LEKR1: variants seen among roughly 807,000 people sequenced by gnomAD.
LEKR1 encodes the protein leucine, glutamate and lysine rich 1.
A neutral mutation model predicts 72.4 loss-of-function variants in LEKR1; 59 were observed. The ratio of observed to expected loss-of-function variants is 0.82; its 90% CI spans 0.66 to 1.01. The LOEUF is 1.01. Among genes scored for constraint, LEKR1 ranks in the 50% least tolerant of loss-of-function variants. LEKR1 has a pLI of 0.00. For missense variants in LEKR1, 728 were observed against 759.2 expected (o/e 0.96, Z 0.48); for synonymous variants, 257 against 263.2 (o/e 0.98, Z 0.23).
At chr3:156,957,688 A>G (rs1324054873) in intron 6 of LEKR1, among the ~76,000 whole-genome samples, 6 of 152,036 alleles carry the variant, frequency 3.9e-5, no homozygotes, top group Non-Finnish European at 7.4e-5. Flanking sequence ...TTCAGTCTTC[A>G]TATATAGGTT....
intron 12 of LEKR1, among the ~76,000 whole-genome samples, chr3:157,034,994 A>G (rs1336488234): frequency 1.3e-5 from 2 of 152,146 alleles, no homozygotes; most frequent in African/African-American, 4.8e-5. Flanking sequence ...TGATCAGTCA[A>G]CAGCCATCAA....
At chr3:156,919,444 G>A (rs1723982034) in intron 3 of LEKR1, among the ~76,000 whole-genome samples, 1 of 152,146 alleles carries the variant, frequency 6.6e-6, no homozygotes, top group African/African-American at 2.4e-5. Context: ...AACTAGGTGG[G>A]AGCTTATTCC....
intron 5 of LEKR1, among the ~76,000 whole-genome samples, chr3:156,931,322 T>G (rs2874491): frequency 0.18 from 27,752 of 152,092 alleles, 3,161 homozygotes; most frequent in African/African-American, 0.32. Context: ...TCTGCTTGAC[T>G]AAAATGAAAC....
chr3:156,899,255 T>C (rs1182424512), intron 3 of LEKR1, among the ~76,000 whole-genome samples: 1 of 4,144 alleles, frequency 2.4e-4, no homozygotes, highest in South Asian at 0.011. Flanking sequence ...TATATATACA[T>C]ATATATATAT....
At chr3:156,853,026 C>A in intron 3 of LEKR1, 44 bp downstream of exon 3, 1 of 1,265,544 alleles carries the variant, frequency 7.9e-7, no homozygotes, top group Non-Finnish European at 1.1e-6. Flanking sequence ...AGTTGAAAGA[C>A]AGCTACAGGA....
intron 6 of LEKR1, among the ~76,000 whole-genome samples, chr3:156,969,077 A>G (rs1380066562): frequency 2.0e-5 from 3 of 152,220 alleles, no homozygotes; most frequent in African/African-American, 7.2e-5. Context: ...TTTGAAACCA[A>G]CGAGAACAAA....
At chr3:156,855,732 G>A (rs1170395145) in intron 3 of LEKR1, among the ~76,000 whole-genome samples, 1 of 152,182 alleles carries the variant, frequency 6.6e-6, no homozygotes, top group East Asian at 1.9e-4. Flanking sequence ...GGAAGAGTAT[G>A]AGGTGATAGC....
At chr3:156,872,090 CT>C (rs541032237) in intron 3 of LEKR1, among the ~76,000 whole-genome samples, 283 of 142,908 alleles carry the variant, frequency 2.0e-3, no homozygotes, top group South Asian at 4.0e-3. Context: ...TGTTGGCAGA[CT>C]TTTTTTTTTT....
chr3:156,941,968 T>C (rs1726248386), intron 5 of LEKR1, among the ~76,000 whole-genome samples: 1 of 152,046 alleles, frequency 6.6e-6, no homozygotes, highest in Non-Finnish European at 1.5e-5. Context: ...TCTGGTCTTA[T>C]TGGGGGGGAT....
chr3:157,015,592 G>T (rs910172109), intron 10 of LEKR1, among the ~76,000 whole-genome samples: 2 of 152,210 alleles, frequency 1.3e-5, no homozygotes, highest in Middle Eastern at 3.4e-3. Context: ...TGCATCCTAG[G>T]ACAGAGCTCA....
intron 3 of LEKR1, among the ~76,000 whole-genome samples, chr3:156,871,855 T>C (rs1328221498): frequency 6.6e-6 from 1 of 152,176 alleles, no homozygotes; most frequent in East Asian, 1.9e-4. Context: ...GTTGAGAATT[T>C]TTGCATTTAT....
intron 2 of LEKR1, among the ~76,000 whole-genome samples, chr3:156,851,865 T>C (rs1715408875): frequency 6.6e-6 from 1 of 152,120 alleles, no homozygotes; most frequent in Non-Finnish European, 1.5e-5. Context: ...AGCCATCTCT[T>C]ATCCTTTATG....
intron 3 of LEKR1, among the ~76,000 whole-genome samples, chr3:156,874,868 A>T (rs1458334919): frequency 1.3e-5 from 2 of 152,122 alleles, no homozygotes; most frequent in African/African-American, 2.4e-5. Context: ...CCATTATTTT[A>T]TTCCTTTTTA....
intron 7 of LEKR1, among the ~76,000 whole-genome samples, chr3:156,980,428 T>G (rs886801071): frequency 6.6e-6 from 1 of 152,214 alleles, no homozygotes; most frequent in Non-Finnish European, 1.5e-5. Flanking sequence ...ACAGTAAGTA[T>G]AGTAGTTCAG....
intron 2 of LEKR1, 115 bp from the exon 3 acceptor site, chr3:156,852,652 CA>C (rs1174812577): frequency 1.9e-5 from 9 of 483,810 alleles, no homozygotes; most frequent in African/African-American, 1.6e-4. Flanking sequence ...ATTATTGCTC[CA>C]AGGCATAGTA....
At chr3:156,901,740 G>A (rs1024296931) in intron 3 of LEKR1, among the ~76,000 whole-genome samples, 2 of 152,190 alleles carry the variant, frequency 1.3e-5, no homozygotes, top group Non-Finnish European at 2.9e-5. Flanking sequence ...AGGCTGGAGT[G>A]CAGTGACGTG....
At chr3:156,850,066 AAAAC>A (rs1218548137) in intron 2 of LEKR1, among the ~76,000 whole-genome samples, 1 of 152,244 alleles carries the variant, frequency 6.6e-6, no homozygotes, top group African/African-American at 2.4e-5. Context: ...TTACAAGAAA[AAAAC>A]AAACAATCCC....
In LEKR1 at chr3:157,028,264, C is replaced by G; in HGVS notation, c.1530C>G (p.Arg510=). Residue 510 remains arginine, a synonymous_variant, in exon 12 of 13, where the codon CGC becomes CGG. Transcript: ENST00000356539. ...ATTTGGTTGCAGAATTTGAATCTCG[C>G]TTGAAGAAGGAAATTGACAGTAATG... ...LKNLVAEFES[R]LKKEIDSNDS... is the part of the protein sequence containing the mutation. The G allele has an allele frequency of 6.2e-7, 1 of 1,613,460 alleles. No homozygotes were observed. Among genetic ancestry groups the G allele is most frequent in the Non-Finnish European group, 8.5e-7 (1 of 1,179,680 alleles).
chr3:156,952,156 A>G (rs1727214210), intron 6 of LEKR1, among the ~76,000 whole-genome samples: 1 of 151,430 alleles, frequency 6.6e-6, no homozygotes, highest in South Asian at 2.1e-4. Context: ...CATTCTTGAG[A>G]AAACTGAAAT....
Sources: allele counts gnomAD v4.1 joint callset (sites outside exome capture counted in the v4.1 genomes callset), GRCh38; gene constraint gnomAD v4.1.1; transcripts MANE v1.5; gene names NCBI Gene and HGNC (gene_info 2026-07-23, HGNC 2026-07-21).